FBXL13: variants seen among roughly 807,000 people sequenced by gnomAD.
The protein encoded by FBXL13 is F-box and leucine rich repeat protein 13.
Under a neutral mutation model 83.6 loss-of-function variants are expected in FBXL13, and 67 were observed. That is an observed-to-expected ratio of 0.80 (90% CI 0.66 to 0.98). The LOEUF (loss-of-function observed/expected upper bound fraction) is 0.98. Ranked by LOEUF, FBXL13 falls within the 50% of genes least tolerant of loss-of-function variation. The pLI, the probability that FBXL13 is intolerant of heterozygous loss-of-function variation, is 0.00. For synonymous variants in FBXL13, 272 were observed against 299.5 expected (o/e 0.91, Z 0.95); for missense variants, 822 against 866.5 (o/e 0.95, Z 0.64).
At chr7:103,055,620 AT>A in intron 2 of FBXL13, 23 bp downstream of exon 2, 6 of 1,065,802 alleles carry the variant, frequency 5.6e-6, no homozygotes, top group Non-Finnish European at 7.4e-6. Flanking sequence ...ATATTTCCCT[AT>A]CAAAAATCAA....
rs150356280 is a variant in FBXL13, at chr7:102,911,821, G to A, written c.1008+1265C>T. 5.4e-3 allele frequency among the ~76,000 whole-genome samples: 822 copies of A among 152,264 alleles called. 4 individuals are homozygous for A. Among genetic ancestry groups the A allele is most frequent in the Non-Finnish European group, 8.6e-3 (585 of 68,034 alleles). On this transcript the variant is annotated intron_variant, in intron 11 of 19. Transcript: ENST00000313221. ...AATGCCATCTCAGTCATAAAGTTAT[G>A]GTAGATGTTGATGTTTAAAAAGCTA...
intron 18 of FBXL13, among the ~76,000 whole-genome samples, chr7:102,825,093 C>T (rs1799397206): frequency 6.6e-6 from 1 of 152,220 alleles, no homozygotes; most frequent in Admixed American, 6.5e-5. Flanking sequence ...ATTTAAATAA[C>T]ATTTTGATGA....
At chr7:102,985,378 C>T (rs900872590) in intron 6 of FBXL13, among the ~76,000 whole-genome samples, 4 of 152,198 alleles carry the variant, frequency 2.6e-5, no homozygotes, top group African/African-American at 9.7e-5. Context: ...TTCCAACCAG[C>T]AAACAAACCA....
intron 11 of FBXL13, among the ~76,000 whole-genome samples, chr7:102,904,948 G>C (rs1813516327): frequency 6.6e-6 from 1 of 152,002 alleles, no homozygotes; most frequent in South Asian, 2.1e-4. Flanking sequence ...TTAATTTCTA[G>C]TTTTATTCCA....
chr7:102,813,313 T>C (rs750606490), exon 20 of FBXL13: 4 of 1,565,134 alleles, frequency 2.6e-6, no homozygotes, highest in Non-Finnish European at 3.5e-6. Flanking sequence ...AGTTCTTGAT[T>C]TTTTGTTCTT....
intron 2 of FBXL13, among the ~76,000 whole-genome samples, chr7:103,053,238 C>A (rs1208440561): frequency 6.6e-6 from 1 of 151,962 alleles, no homozygotes; most frequent in Non-Finnish European, 1.5e-5. Flanking sequence ...TTGCAACCTC[C>A]ACCTCCTTGA....
Position 102,937,265 on chromosome 7 carries a change from C to T in FBXL13, c.725-5332G>A, listed in dbSNP as rs145536631. On this transcript the variant is annotated intron_variant, in intron 8 of 19. Transcript: ENST00000313221. Reference sequence around the variant, plus strand: ...CTATAATCCCAGCACTTTGGGAGGCCGAGGCAGGTGGGACACTTGAGGTCA... The same window carrying T: ...CTATAATCCCAGCACTTTGGGAGGCTGAGGCAGGTGGGACACTTGAGGTCA... Among the ~76,000 whole-genome samples, 73 of 151,320 alleles carry T rather than the reference C, an allele frequency of 4.8e-4. 1 individual carries two copies. The East Asian group carries it at 0.011, about 23-fold the overall frequency.
chr7:103,019,483 C>T (rs1792841865), intron 6 of FBXL13, among the ~76,000 whole-genome samples: 1 of 152,122 alleles, frequency 6.6e-6, no homozygotes. Flanking sequence ...CAGAGCAGAA[C>T]TGAAGGAGAT....
chr7:103,010,585 T>A (rs1791499203), intron 6 of FBXL13, among the ~76,000 whole-genome samples: 1 of 152,070 alleles, frequency 6.6e-6, no homozygotes. Context: ...TAGGGGGGTT[T>A]AGGGGGAAGC....
intron 16 of FBXL13, chr7:102,857,477 T>C (rs1806198928): frequency 1.3e-5 from 2 of 153,750 alleles, no homozygotes; most frequent in Non-Finnish European, 2.9e-5. Context: ...GGCTGTGATA[T>C]CTGTCACCCC....
intron 2 of FBXL13, among the ~76,000 whole-genome samples, chr7:103,036,078 C>T (rs1434972005): frequency 6.6e-6 from 1 of 152,184 alleles, no homozygotes; most frequent in African/African-American, 2.4e-5. Context: ...ACGAACCCCA[C>T]TGTGAACTGT....
chr7:102,826,769 A>ATATGTATGTATATATATATATATATATG (rs1554400933), intron 18 of FBXL13, among the ~76,000 whole-genome samples: 1 of 100,742 alleles, frequency 9.9e-6, no homozygotes, highest in Non-Finnish European at 2.0e-5. Flanking sequence ...ATATATATAT[A>ATATGTATGTATATATATATATATATATG]TATGTATATA....
chr7:102,892,976 C>G lies in FBXL13; in HGVS notation c.1009-8664G>C, dbSNP rs143776403. 3.8e-3 allele frequency among the ~76,000 whole-genome samples: 578 copies of G among 152,234 alleles called. 5 individuals carry two copies. The highest frequency in any genetic ancestry group is 0.014 in the African/African-American group (571 of 41,548). On this transcript the variant is annotated intron_variant, in intron 11 of 19. Coordinates refer to ENST00000313221, the Ensembl canonical transcript of FBXL13. ...TTTTCCTGCCCTTTATTATTCCATACAATAAAGGAAAATGGAATCAGCCAA... is the reference window on the plus strand; with the variant it reads ...TTTTCCTGCCCTTTATTATTCCATAGAATAAAGGAAAATGGAATCAGCCAA...
intron 8 of FBXL13, among the ~76,000 whole-genome samples, chr7:102,938,601 G>T (rs1199962316): frequency 6.6e-6 from 1 of 152,176 alleles, no homozygotes; most frequent in East Asian, 1.9e-4. Context: ...CAGTATATAT[G>T]AAATGTGCAT....
chr7:102,950,713 G>T (rs1273913442), intron 8 of FBXL13, among the ~76,000 whole-genome samples: 2 of 152,222 alleles, frequency 1.3e-5, no homozygotes, highest in East Asian at 3.9e-4. Flanking sequence ...AGACATAAAG[G>T]AAATTTAATT....
At chr7:102,931,830 G>A (rs371919607) in intron 9 of FBXL13, 51 bp downstream of exon 10, 4 of 1,548,786 alleles carry the variant, frequency 2.6e-6, no homozygotes, top group Non-Finnish European at 3.6e-6. Flanking sequence ...GCACCCCAAT[G>A]TAGCAAGTCA....
At chr7:102,886,018 C>G (rs369579607) in intron 11 of FBXL13, among the ~76,000 whole-genome samples, 11 of 152,330 alleles carry the variant, frequency 7.2e-5, no homozygotes, top group Admixed American at 3.9e-4. Context: ...GTTTCAATTA[C>G]TGTAGCTTTG....
intron 6 of FBXL13, among the ~76,000 whole-genome samples, chr7:102,974,326 C>T (rs1827170983): frequency 6.6e-6 from 1 of 152,032 alleles, no homozygotes; most frequent in South Asian, 2.1e-4. Context: ...GGAGGCAGAG[C>T]TTGCAGTGAG....
chr7:102,944,597 T>A lies in FBXL13; in HGVS notation c.725-12664A>T, dbSNP rs527699665. The A allele has an allele frequency of 2.5e-6, 4 of 1,599,442 alleles. No homozygotes were observed. In the African/African-American group the frequency reaches 5.4e-5, roughly 22 times the overall value. The stretch of plus-strand genomic sequence containing the variant: ...AAGAAGCAAAGCGTAATAATTACTA[T>A]AGTAGGATAAGGTAGAAATTGTTCT... On this transcript the variant is annotated intron_variant, in intron 8 of 19. Transcript: ENST00000313221.
Sources: gnomAD v4.1 joint callset for allele counts (sites outside exome capture counted in the v4.1 genomes callset) on GRCh38, gnomAD v4.1.1 for gene constraint, MANE v1.5 for transcripts, NCBI Gene and HGNC (gene_info 2026-07-23, HGNC 2026-07-21) for gene names.